VPS45: variants seen among roughly 807,000 people sequenced by gnomAD.
VPS45 encodes the protein vacuolar protein sorting 45 homolog.
Under a neutral mutation model 75.9 loss-of-function variants are expected in VPS45, and 35 were observed. The observed-to-expected ratio is 0.46, with a 90% CI of 0.35 to 0.61. The LOEUF (loss-of-function observed/expected upper bound fraction) is 0.61. VPS45 is among the 20% of genes least tolerant of loss of function. VPS45 has a pLI of 0.00. For synonymous variants in VPS45, 220 were observed against 238.2 expected, an observed-to-expected ratio of 0.92 and a Z score of 0.70; for missense variants, 559 against 685.9, an observed-to-expected ratio of 0.81 and a Z score of 2.07.
chr1:150,085,711 G>A (rs1210799555), intron 10 of VPS45, among the ~76,000 whole-genome samples: 1 of 151,990 alleles, frequency 6.6e-6, no homozygotes, highest in Non-Finnish European at 1.5e-5. Flanking sequence ...GATGGGGTTT[G>A]CTTTATTGAA....
chr1:150,131,775 G>T (rs1658853310), intron 14 of VPS45, among the ~76,000 whole-genome samples: 1 of 151,990 alleles, frequency 6.6e-6, no homozygotes, highest in South Asian at 2.1e-4. Context: ...GAGCCCAGGA[G>T]TTAAAGGTTA....
intron 2 of VPS45, among the ~76,000 whole-genome samples, chr1:150,071,790 A>AAG (rs1655089854): frequency 6.6e-6 from 1 of 151,662 alleles, no homozygotes; most frequent in Non-Finnish European, 1.5e-5. Flanking sequence ...TTAATCTCAA[A>AAG]AAAAAAAAAA....
At chr1:150,118,915 G>T (rs1308745686) in intron 14 of VPS45, among the ~76,000 whole-genome samples, 1 of 152,154 alleles carries the variant, frequency 6.6e-6, no homozygotes, top group Non-Finnish European at 1.5e-5. Context: ...CCTGACCAAA[G>T]AAACTTTTGC....
intron 14 of VPS45, among the ~76,000 whole-genome samples, chr1:150,117,188 G>A (rs1308073917): frequency 6.8e-6 from 1 of 147,236 alleles, no homozygotes; most frequent in Non-Finnish European, 1.5e-5. Flanking sequence ...GCTACAGAGG[G>A]CGACTCCGTC....
intron 14 of VPS45, among the ~76,000 whole-genome samples, chr1:150,143,493 G>C (rs1348134451): frequency 2.6e-5 from 4 of 151,708 alleles, no homozygotes; most frequent in Non-Finnish European, 5.9e-5. Context: ...GAGGCTGAGG[G>C]AGGAGAATCG....
At chr1:150,107,132 G>C (rs1300221965) in intron 13 of VPS45, among the ~76,000 whole-genome samples, 1 of 151,940 alleles carries the variant, frequency 6.6e-6, no homozygotes, top group East Asian at 1.9e-4. Flanking sequence ...TCTGTCTTTT[G>C]GTTTTCTTCT....
At chr1:150,144,437 T>G (rs1203170999) in intron 14 of VPS45, among the ~76,000 whole-genome samples, 1 of 151,812 alleles carries the variant, frequency 6.6e-6, no homozygotes, top group African/African-American at 2.4e-5. Flanking sequence ...AAATAGAAAC[T>G]TCAAACTTGA....
intron 14 of VPS45, among the ~76,000 whole-genome samples, chr1:150,110,990 C>T (rs1460743398): frequency 1.3e-5 from 2 of 152,064 alleles, no homozygotes; most frequent in Non-Finnish European, 2.9e-5. Context: ...CTAATAGCCA[C>T]AGCTTAGACT....
chr1:150,093,610 C>T lies in VPS45; in HGVS notation c.1455C>T (p.Asn485=), dbSNP rs1656463069. Residue 485 remains asparagine, a synonymous_variant, in exon 13 of 15, where the codon AAC becomes AAT. Transcript: ENST00000644510. ...DHLIKGRLKE[N]LYPYLGPSTL... ...TCATCAAAGGAAGGCTTAAGGAAAA[C>T]CTATATCCTTATTTAGGCCCCAGCA... The T allele has an allele frequency of 1.2e-6, 2 of 1,613,836 alleles. No individual in the cohort carries two copies. The highest frequency in any genetic ancestry group is 1.7e-6 in the Non-Finnish European group (2 of 1,179,880).
intron 14 of VPS45, among the ~76,000 whole-genome samples, chr1:150,133,375 C>T (rs752878356): frequency 2.3e-4 from 35 of 151,968 alleles, no homozygotes; most frequent in Non-Finnish European, 4.4e-4. Context: ...CATGGTGAAA[C>T]CCCATCTCTA....
chr1:150,085,666 C>T (rs974281253), intron 10 of VPS45, among the ~76,000 whole-genome samples: 5 of 151,854 alleles, frequency 3.3e-5, no homozygotes, highest in East Asian at 1.9e-4. Flanking sequence ...GATGATAATA[C>T]GTCATGAAGC....
chr1:150,133,494 C>T (rs1658929738), intron 14 of VPS45, among the ~76,000 whole-genome samples: 1 of 152,132 alleles, frequency 6.6e-6, no homozygotes, highest in Non-Finnish European at 1.5e-5. Context: ...GTGGAGGTTG[C>T]AGTGAGCTGA....
chr1:150,070,636 C>CAAAA lies in VPS45; in HGVS notation c.229-1521_229-1518dup, dbSNP rs1449539558. Among the ~76,000 whole-genome samples, 579 of 141,328 alleles carry CAAAA rather than the reference C, an allele frequency of 4.1e-3. 2 individuals are homozygous for CAAAA. Among genetic ancestry groups the CAAAA allele is most frequent in the Middle Eastern group, 0.033 (9 of 272 alleles). The allele number at this position is 141,328 out of a possible 152,430, so 92.7% of individuals were successfully genotyped here. ...TGAAACCCCGTCTCTACTAAAAATACAAAAAAAAAAAACAACAAAAAAATT... is the reference window on the plus strand; with the variant it reads ...TGAAACCCCGTCTCTACTAAAAATACAAAAAAAAAAAAAAAACAACAAAAAAATT... On this transcript the variant is annotated intron_variant, in intron 2 of 14. Transcript: ENST00000644510.
At position 150,077,121 on chromosome 1, in the gene VPS45, T is replaced by G. The variant is rs1553798269; in HGVS notation, c.466T>G (p.Ser156Ala). 1.2e-6 allele frequency: 2 copies of G among 1,614,138 alleles called. No homozygotes were observed. Among genetic ancestry groups the G allele is most frequent in the Non-Finnish European group, 1.7e-6 (2 of 1,180,014 alleles). Residue 156 changes from serine to alanine, a missense_variant, in exon 6 of 15, where the codon TCT becomes GCT. Ser to Ala is a moderately conservative substitution (Grantham distance 99, BLOSUM62 1). Transcript: ENST00000644510. ...TCGAAATTGGGATCCAGCCCAGCTA[T>G]CTAGAACAACTCAAGGGCTTACAGC... ...QGRNWDPAQL[S>A]RTTQGLTALL...
intron 14 of VPS45, among the ~76,000 whole-genome samples, chr1:150,115,768 G>C (rs1272580061): frequency 1.3e-5 from 2 of 151,934 alleles, no homozygotes; most frequent in African/African-American, 4.8e-5. Context: ...GATTTTTTTA[G>C]TCCACTTTTT....
At chr1:150,067,763 G>C, upstream of VPS45, 1 of 1,281,132 alleles carries the variant, frequency 7.8e-7, no homozygotes, top group Non-Finnish European at 1.1e-6. Context: ...ATCCCGGCTG[G>C]GAGGAAGCAG....
chr1:150,112,505 A>G (rs1218747084), intron 14 of VPS45, among the ~76,000 whole-genome samples: 3 of 152,210 alleles, frequency 2.0e-5, no homozygotes, highest in Non-Finnish European at 4.4e-5. Context: ...TATAACTTCT[A>G]CAGAAATATT....
At chr1:150,125,374 A>G (rs960347134) in intron 14 of VPS45, among the ~76,000 whole-genome samples, 5 of 147,324 alleles carry the variant, frequency 3.4e-5, no homozygotes, top group Non-Finnish European at 7.5e-5. Flanking sequence ...TATTTTTATT[A>G]TACTTTAAGT....
At chr1:150,103,553 C>T (rs1490499249) in intron 13 of VPS45, among the ~76,000 whole-genome samples, 3 of 152,138 alleles carry the variant, frequency 2.0e-5, no homozygotes, top group Admixed American at 1.3e-4. Flanking sequence ...ATAACCTACA[C>T]CCACAGTTTA....
Sources: allele counts gnomAD v4.1 joint callset (sites outside exome capture counted in the v4.1 genomes callset), GRCh38; gene constraint gnomAD v4.1.1; transcripts MANE v1.5; gene names NCBI Gene and HGNC (gene_info 2026-07-23, HGNC 2026-07-21).